PTPN11: variants seen among roughly 807,000 people sequenced by gnomAD.
PTPN11 encodes the protein tyrosine-protein phosphatase non-receptor type 11.
PTPN11 carries 6 observed loss-of-function variants against 78.8 expected under a neutral mutation model. The ratio of observed to expected loss-of-function variants is 0.08; its 90% CI spans 0.04 to 0.15. PTPN11 has a LOEUF of 0.15. Ranked by LOEUF, PTPN11 falls within the 10% of genes least tolerant of loss-of-function variation. PTPN11 has a pLI of 1.00. For missense variants in PTPN11, 386 were observed against 744.8 expected (o/e 0.52, Z 5.61); for synonymous variants, 221 against 263.5 (o/e 0.84, Z 1.56).
In PTPN11 at chr12:112,508,772, T is replaced by C. The variant is rs1219114473; in HGVS notation, c.*2980T>C. 1 of 152,188 alleles carries C rather than the reference T, an allele frequency of 6.6e-6. No homozygotes were observed. 9.4% of individuals were successfully genotyped at this position (152,188 alleles called of 1,614,324 possible). A position where few individuals can be genotyped will look rare whatever the true frequency, so the allele number is the denominator to read the frequency against. On this transcript the variant is annotated 3_prime_UTR_variant, in exon 16 of 16. Transcript: ENST00000351677. The stretch of plus-strand genomic sequence containing the variant: ...CAGTGTGTGGCCCTTCTGAAACTTA[T>C]GGTCATCTCTCCCACTGAAACCAAG...
intron 9 of PTPN11, among the ~76,000 whole-genome samples, chr12:112,478,321 C>T (rs1018294400): frequency 3.3e-5 from 5 of 151,752 alleles, no homozygotes; most frequent in Admixed American, 3.3e-4. Context: ...GCCTGTAGTC[C>T]CAGCACTGTG....
intron 6 of PTPN11, among the ~76,000 whole-genome samples, chr12:112,461,813 G>A (rs2038252949): frequency 6.6e-6 from 1 of 151,886 alleles, no homozygotes; most frequent in African/African-American, 2.4e-5. Context: ...TCTGTTATGG[G>A]TTCAATTGAT....
At chr12:112,453,660 T>TG (rs958696754) in intron 4 of PTPN11, among the ~76,000 whole-genome samples, 7 of 151,128 alleles carry the variant, frequency 4.6e-5, no homozygotes, top group African/African-American at 1.7e-4. Context: ...TTTTTTTTTT[T>TG]TTGTTTTTGT....
chr12:112,441,176 C>A (rs545841743), intron 1 of PTPN11, among the ~76,000 whole-genome samples: 1 of 151,894 alleles, frequency 6.6e-6, no homozygotes, highest in African/African-American at 2.4e-5. Flanking sequence ...GTTGGTCAGG[C>A]TGGTCTTAAG....
intron 2 of PTPN11, among the ~76,000 whole-genome samples, chr12:112,449,222 G>T (rs2038041663): frequency 6.7e-6 from 1 of 150,164 alleles, no homozygotes; most frequent in Non-Finnish European, 1.5e-5. Context: ...CTGCATAGTG[G>T]CCGGGCACAG....
At chr12:112,424,209 C>T (rs1179349904) in intron 1 of PTPN11, among the ~76,000 whole-genome samples, 1 of 152,120 alleles carries the variant, frequency 6.6e-6, no homozygotes, top group Non-Finnish European at 1.5e-5. Context: ...TTTTAGGAAA[C>T]AGCACATGCA....
Position 112,456,031 on chromosome 12 carries a change from A to G in PTPN11, c.724A>G (p.Lys242Glu). The G allele has an allele frequency of 1.9e-6, 3 of 1,610,900 alleles. No homozygotes were observed. Among genetic ancestry groups the G allele is most frequent in the Non-Finnish European group, 2.5e-6 (3 of 1,177,036 alleles). The change falls in exon 6 of 16, where the codon AAA (lysine) becomes GAA (glutamate). Residue 242 changes from lysine to glutamate, a missense_variant. Physicochemically the swap from Lys to Glu is moderately conservative, Grantham distance 56. Coordinates refer to ENST00000351677, the MANE Select transcript of PTPN11 (RefSeq NM_002834.5). ...AAGCAAATTAGCTGAGACCACAGAT[A>G]AAGTCAAACAAGGCTTTTGGGAAGA... ...ELSKLAETTDKVKQGFWEEFE... is the reference protein window; with the variant it reads ...ELSKLAETTDEVKQGFWEEFE...
intron 1 of PTPN11, among the ~76,000 whole-genome samples, chr12:112,420,521 T>C (rs1313738574): frequency 6.6e-6 from 1 of 152,074 alleles, no homozygotes; most frequent in African/African-American, 2.4e-5. Context: ...TTTTTGTATT[T>C]TTAGTAGAGA....
intron 3 of PTPN11, among the ~76,000 whole-genome samples, chr12:112,452,642 C>T (rs1359533824): frequency 6.6e-6 from 1 of 152,172 alleles, no homozygotes; most frequent in African/African-American, 2.4e-5. Flanking sequence ...ATCCTCCTGC[C>T]TCGGCCTTGT....
intron 1 of PTPN11, among the ~76,000 whole-genome samples, chr12:112,421,913 C>T (rs1482683101): frequency 6.6e-6 from 1 of 152,226 alleles, no homozygotes; most frequent in Non-Finnish European, 1.5e-5. Context: ...CAGGCATGAG[C>T]TATTGCGTCC....
In PTPN11 at chr12:112,482,834, C is replaced by T. The variant is rs180771071; in HGVS notation, c.1224+629C>T. On this transcript the variant is annotated intron_variant, in intron 10 of 15. Transcript: ENST00000351677. This position sits in a 1 kb window ranked among gnomAD's most constrained non-coding sequence, Gnocchi z 4.4. ...CACATTGTAGAGGTTTGAGTCTGAG[C>T]GGACAGTGGTGCTGTGGCAGACACC... Among the ~76,000 whole-genome samples the T allele has an allele frequency of 7.9e-5, 12 of 152,188 alleles. No individual in the cohort carries two copies. The highest frequency in any genetic ancestry group is 3.3e-4 in the Admixed American group (5 of 15,290).
At chr12:112,450,575 C>T (rs2135863361) in intron 3 of PTPN11, 63 bp downstream of exon 3, 1 of 1,478,422 alleles carries the variant, frequency 6.8e-7, no homozygotes, top group South Asian at 1.1e-5. Context: ...GTCAGAAATG[C>T]ATGACGGTCT....
At chr12:112,469,845 G>A (rs1194982579) in intron 6 of PTPN11, among the ~76,000 whole-genome samples, 2 of 152,036 alleles carry the variant, frequency 1.3e-5, no homozygotes, top group Non-Finnish European at 2.9e-5. Flanking sequence ...TATATTTTGT[G>A]AAGGAGAAAA....
intron 13 of PTPN11, among the ~76,000 whole-genome samples, chr12:112,489,950 C>T (rs946592555): frequency 1.3e-5 from 2 of 152,200 alleles, no homozygotes; most frequent in Non-Finnish European, 2.9e-5. Context: ...CCTAGCAGAA[C>T]AGCAGCCACG....
chr12:112,446,122 C>T (rs2037990340), intron 1 of PTPN11, among the ~76,000 whole-genome samples, 154 bp from the exon 2 acceptor site: 1 of 152,060 alleles, frequency 6.6e-6, no homozygotes, highest in African/African-American at 2.4e-5. Context: ...GAGGCATTGA[C>T]CAAGGAGAAG....
chr12:112,488,105 A>AT (rs1209574798), intron 11 of PTPN11, among the ~76,000 whole-genome samples: 2 of 152,024 alleles, frequency 1.3e-5, no homozygotes, highest in African/African-American at 2.4e-5. Context: ...ATTTTGATGT[A>AT]TTTTTTTGTA....
intron 1 of PTPN11, among the ~76,000 whole-genome samples, chr12:112,422,370 A>G (rs2037535681): frequency 6.6e-6 from 1 of 152,228 alleles, no homozygotes; most frequent in South Asian, 2.1e-4. Context: ...TGTAGCAGTG[A>G]TAGTACTGGA....
At chr12:112,487,786 A>G (rs1264232008) in intron 11 of PTPN11, among the ~76,000 whole-genome samples, 1 of 151,368 alleles carries the variant, frequency 6.6e-6, no homozygotes, top group Non-Finnish European at 1.5e-5. Flanking sequence ...CAATAACTTT[A>G]TTATTATTAT....
chr12:112,448,666 C>T (rs1039258523), intron 2 of PTPN11, among the ~76,000 whole-genome samples: 3 of 152,000 alleles, frequency 2.0e-5, no homozygotes, highest in African/African-American at 7.2e-5. Flanking sequence ...TCTTTTTAAT[C>T]AGCTGGATCG....
Sources: allele counts gnomAD v4.1 joint callset (sites outside exome capture counted in the v4.1 genomes callset), GRCh38; gene constraint gnomAD v4.1.1; non-coding constraint Gnocchi (gnomAD v3.1); transcripts MANE v1.5; gene names NCBI Gene and HGNC (gene_info 2026-07-23, HGNC 2026-07-21).